Variants in COX7B2 observed in about 807,000 individuals in gnomAD.
The protein encoded by COX7B2 is cytochrome c oxidase subunit 7B2, also known as cytochrome c oxidase subunit 7B2, mitochondrial.
For synonymous variants in COX7B2, 37 were observed against 32.1 expected, an observed-to-expected ratio of 1.15 and a Z score of -0.51; for missense variants, 109 against 95.9, an observed-to-expected ratio of 1.14 and a Z score of -0.57.
intron 2 of COX7B2, among the ~76,000 whole-genome samples, chr4:46,735,719 T>A (rs1019961145): frequency 2.6e-5 from 4 of 152,276 alleles, no homozygotes; most frequent in African/African-American, 9.6e-5. Context: ...CCTTTGAAAT[T>A]CCGCTCTAAG....
At chr4:46,804,900 C>T (rs1242122112) in intron 2 of COX7B2, among the ~76,000 whole-genome samples, 4 of 152,200 alleles carry the variant, frequency 2.6e-5, no homozygotes, top group Non-Finnish European at 5.9e-5. Flanking sequence ...GTCGGGGAGG[C>T]TCAGGCTGCG....
At chr4:46,770,249 C>T (rs1473625451) in intron 2 of COX7B2, among the ~76,000 whole-genome samples, 1 of 152,002 alleles carries the variant, frequency 6.6e-6, no homozygotes, top group Non-Finnish European at 1.5e-5. Flanking sequence ...ATAACAATAG[C>T]ATCAAAAATA....
intron 2 of COX7B2, among the ~76,000 whole-genome samples, chr4:46,837,657 G>T (rs1715610135): frequency 6.6e-6 from 1 of 151,750 alleles, no homozygotes; most frequent in Non-Finnish European, 1.5e-5. Context: ...AAAATGGCTA[G>T]AATTAAAAAT....
At chr4:46,832,149 C>T (rs1030155751) in intron 2 of COX7B2, among the ~76,000 whole-genome samples, 1 of 152,140 alleles carries the variant, frequency 6.6e-6, no homozygotes, top group African/African-American at 2.4e-5. Context: ...AAGGTTTGTT[C>T]TTTCGCTCTT....
rs537482443 is a variant in COX7B2 at position 46,908,077 on chromosome 4, T to G, written c.-105+1083A>C. Among the ~76,000 whole-genome samples, 185 of 151,966 alleles carry G rather than the reference T, an allele frequency of 1.2e-3. 1 individual carries two copies. Among genetic ancestry groups the G allele is most frequent in the African/African-American group, 3.7e-3 (153 of 41,456 alleles). ...CCTGTTGGCCAGGATGGTCTCGATC[T>G]CTTGATCTCGTGATCCTCCCGCCTC... On this transcript the variant is annotated intron_variant, in intron 1 of 2. Coordinates refer to ENST00000355591, the MANE Select transcript of COX7B2 (RefSeq NM_130902.3).
At chr4:46,764,896 A>T (rs1716435513) in intron 2 of COX7B2, among the ~76,000 whole-genome samples, 2 of 152,236 alleles carry the variant, frequency 1.3e-5, no homozygotes, top group South Asian at 4.2e-4. Context: ...CAAGAGAGGA[A>T]AAAAAACACA....
intron 1 of COX7B2, among the ~76,000 whole-genome samples, chr4:46,855,580 TA>T (rs1405280645): frequency 6.6e-6 from 1 of 151,984 alleles, no homozygotes; most frequent in African/African-American, 2.4e-5. Context: ...TAATCTATGG[TA>T]AACTATCCAT....
At chr4:46,861,582 A>G (rs548062087) in intron 1 of COX7B2, among the ~76,000 whole-genome samples, 2 of 152,340 alleles carry the variant, frequency 1.3e-5, no homozygotes, top group South Asian at 4.1e-4. Context: ...TACAAATTGG[A>G]AAACAAAATA....
chr4:46,860,682 T>C (rs1321318511), intron 1 of COX7B2, among the ~76,000 whole-genome samples: 1 of 152,148 alleles, frequency 6.6e-6, no homozygotes, highest in African/African-American at 2.4e-5. Context: ...CTTCTCTAGG[T>C]CCTTTTTACT....
rs116671105 is a variant in COX7B2 at position 46,808,191 on chromosome 4, A to G, written c.-50+36769T>C. Among the ~76,000 whole-genome samples the G allele has an allele frequency of 4.9e-3, 745 of 151,722 alleles. 7 individuals are homozygous for G. Among genetic ancestry groups the G allele is most frequent in the African/African-American group, 0.017 (693 of 41,478 alleles). On this transcript the variant is annotated intron_variant, in intron 2 of 2. Transcript: ENST00000355591. Reference sequence around the variant, plus strand: ...ATTTCTATTTATTTGTGTCTTTTCAATCTCTTTCATTAAATGTTTTATAAT... The same window carrying G: ...ATTTCTATTTATTTGTGTCTTTTCAGTCTCTTTCATTAAATGTTTTATAAT...
chr4:46,736,676 C>T (rs1487037368), intron 2 of COX7B2, among the ~76,000 whole-genome samples: 1 of 152,080 alleles, frequency 6.6e-6, no homozygotes, highest in Non-Finnish European at 1.5e-5. Flanking sequence ...CACAGTTTTG[C>T]CTTTTTCAGA....
At chr4:46,768,691 A>C (rs1716694888) in intron 2 of COX7B2, among the ~76,000 whole-genome samples, 1 of 152,200 alleles carries the variant, frequency 6.6e-6, no homozygotes, top group African/African-American at 2.4e-5. Flanking sequence ...CAGAACAAGA[A>C]TAAACTAAGC....
At chr4:46,827,312 A>T (rs1343293557) in intron 2 of COX7B2, among the ~76,000 whole-genome samples, 1 of 152,142 alleles carries the variant, frequency 6.6e-6, no homozygotes, top group African/African-American at 2.4e-5. Context: ...CAACCGAGAA[A>T]CTCATAGTCG....
At chr4:46,744,890 C>T (rs190506499) in intron 2 of COX7B2, among the ~76,000 whole-genome samples, 16 of 151,774 alleles carry the variant, frequency 1.1e-4, no homozygotes, top group African/African-American at 2.7e-4. Context: ...CTGGCACGCC[C>T]GGCTAATTTT....
At chr4:46,811,189 T>A (rs1344166303) in intron 2 of COX7B2, among the ~76,000 whole-genome samples, 3 of 152,146 alleles carry the variant, frequency 2.0e-5, no homozygotes, top group Admixed American at 1.3e-4. Flanking sequence ...GATGTCCATA[T>A]CTCTTCCCAG....
intron 1 of COX7B2, among the ~76,000 whole-genome samples, chr4:46,861,639 G>A (rs1422366916): frequency 6.6e-6 from 1 of 152,176 alleles, no homozygotes; most frequent in African/African-American, 2.4e-5. Flanking sequence ...TTTACAATTA[G>A]ATTTATTCTG....
chr4:46,777,018 T>C (rs967447938), intron 2 of COX7B2, among the ~76,000 whole-genome samples: 3 of 152,162 alleles, frequency 2.0e-5, no homozygotes, highest in Non-Finnish European at 2.9e-5. Flanking sequence ...ATTGGATGCA[T>C]ACTGAATATA....
intron 2 of COX7B2, among the ~76,000 whole-genome samples, chr4:46,776,424 C>G (rs1055193511): frequency 1.5e-4 from 21 of 138,742 alleles, no homozygotes; most frequent in East Asian, 1.1e-3. Flanking sequence ...GTGTGTGTGT[C>G]TGTGTGTCTG....
Position 46,800,424 on chromosome 4 carries a change from C to G in COX7B2, c.-50+44536G>C, listed in dbSNP as rs144460177. Among the ~76,000 whole-genome samples the G allele has an allele frequency of 2.0e-3, 303 of 152,128 alleles. 2 individuals are homozygous for G. Among genetic ancestry groups the G allele is most frequent in the African/African-American group, 6.9e-3 (287 of 41,514 alleles). On this transcript the variant is annotated intron_variant, in intron 2 of 2. Transcript: ENST00000355591. The stretch of plus-strand genomic sequence containing the variant: ...CTGGCACAAAAACAGACACACAGAC[C>G]AATGGGAAAGATTAGACGACCACAC...
Sources: allele counts gnomAD v4.1 joint callset (sites outside exome capture counted in the v4.1 genomes callset), GRCh38; gene constraint gnomAD v4.1.1; transcripts MANE v1.5; gene names NCBI Gene and HGNC (gene_info 2026-07-23, HGNC 2026-07-21).